CDH13: variants seen among roughly 807,000 people sequenced by gnomAD.
CDH13 encodes the protein cadherin-13.
In CDH13, 24 loss-of-function variants were observed where a neutral mutation model predicts 63.8. The ratio of observed to expected loss-of-function variants is 0.38; its 90% CI spans 0.27 to 0.53. The LOEUF is 0.53. Among genes scored for constraint, CDH13 ranks in the 20% least tolerant of loss-of-function variants. The probability of loss-of-function intolerance (pLI) is 0.85; values close to 1 mark genes in which losing one functional copy is unlikely to be tolerated. For missense variants in CDH13, 1,049 were observed against 903.1 expected, an observed-to-expected ratio of 1.16 and a Z score of -2.07; for synonymous variants, 503 against 355.3, an observed-to-expected ratio of 1.42 and a Z score of -4.67.
At chr16:83,602,353 G>A in intron 7 of CDH13, 101 bp from the exon 8 acceptor site, 1 of 1,123,796 alleles carries the variant, frequency 8.9e-7, no homozygotes, top group South Asian at 1.2e-5. Context: ...ACCCTAGATG[G>A]AGGAGGGGGA....
intron 1 of CDH13, among the ~76,000 whole-genome samples, chr16:82,726,426 A>G (rs1403215299): frequency 6.6e-6 from 1 of 152,234 alleles, no homozygotes; most frequent in African/African-American, 2.4e-5. Flanking sequence ...TTCATGGACC[A>G]CAAACTGTTA....
At chr16:82,639,236 C>T (rs961373186) in intron 1 of CDH13, 3 of 523,192 alleles carry the variant, frequency 5.7e-6, no homozygotes, top group Admixed American at 3.4e-5. Flanking sequence ...TTTTTGAGTT[C>T]CTAGTCTCTC....
chr16:83,186,079 CTTTTTATTTTA>C (rs1567488383), intron 4 of CDH13, among the ~76,000 whole-genome samples: 1 of 135,074 alleles, frequency 7.4e-6, no homozygotes, highest in Non-Finnish European at 1.6e-5. Context: ...TTAAAGGCAT[CTTTTTATTTTA>C]TTTTATTTTA....
chr16:83,620,389 C>CAAAAAAAA (rs60446363), intron 8 of CDH13, among the ~76,000 whole-genome samples: 2 of 97,364 alleles, frequency 2.1e-5, no homozygotes, highest in Non-Finnish European at 2.0e-5. Context: ...GACTCCGTCT[C>CAAAAAAAA]AAAAAAAAAA....
intron 4 of CDH13, among the ~76,000 whole-genome samples, chr16:83,154,294 C>T (rs1394625321): frequency 1.3e-5 from 2 of 152,134 alleles, no homozygotes; most frequent in African/African-American, 4.8e-5. Context: ...CAGTGGCTCA[C>T]ATCTGTAATC....
At chr16:83,280,339 T>C (rs536338597) in intron 5 of CDH13, among the ~76,000 whole-genome samples, 1 of 152,314 alleles carries the variant, frequency 6.6e-6, no homozygotes. Flanking sequence ...TCTTGAGAAA[T>C]GTCTTTCTTT....
chr16:83,113,409 T>A (rs2151625067), intron 3 of CDH13, among the ~76,000 whole-genome samples: 1 of 152,388 alleles, frequency 6.6e-6, no homozygotes, highest in Admixed American at 6.5e-5. Flanking sequence ...ACAATAACTC[T>A]ATATTTATTT....
intron 1 of CDH13, among the ~76,000 whole-genome samples, chr16:82,686,981 C>T (rs76359009): frequency 0.032 from 4,932 of 152,272 alleles, 157 homozygotes; most frequent in African/African-American, 0.074. Flanking sequence ...GCTCTTGCTT[C>T]GTTCAATAAA....
intron 1 of CDH13, among the ~76,000 whole-genome samples, chr16:82,845,767 C>CA (rs1188558464): frequency 1.3e-5 from 2 of 152,158 alleles, no homozygotes; most frequent in African/African-American, 2.4e-5. Flanking sequence ...AATTTAATTA[C>CA]AAAAAATTCA....
At chr16:83,780,688 T>C (rs971795795) in intron 12 of CDH13, among the ~76,000 whole-genome samples, 2 of 152,222 alleles carry the variant, frequency 1.3e-5, no homozygotes, top group African/African-American at 4.8e-5. Flanking sequence ...GATTCTTTGT[T>C]CTTCCTCTTT....
intron 6 of CDH13, among the ~76,000 whole-genome samples, chr16:83,431,995 A>C (rs1010068093): frequency 2.0e-5 from 3 of 152,154 alleles, no homozygotes; most frequent in Non-Finnish European, 4.4e-5. Flanking sequence ...CCTTCTGGCC[A>C]CTTTGTTGAG....
intron 4 of CDH13, among the ~76,000 whole-genome samples, chr16:83,140,153 G>A (rs937630463): frequency 3.9e-5 from 6 of 152,162 alleles, no homozygotes; most frequent in African/African-American, 7.2e-5. Context: ...TAGGTCTGGG[G>A]TGACACCTAA....
chr16:83,090,767 C>G (rs984314221), intron 3 of CDH13, among the ~76,000 whole-genome samples: 4 of 151,948 alleles, frequency 2.6e-5, no homozygotes, highest in African/African-American at 9.7e-5. Flanking sequence ...ATTTTCAAAG[C>G]AAACTTGGTT....
At chr16:83,630,095 G>C (rs1910646174) in intron 8 of CDH13, among the ~76,000 whole-genome samples, 1 of 152,266 alleles carries the variant, frequency 6.6e-6, no homozygotes, top group Non-Finnish European at 1.5e-5. Context: ...GCCTAGCTTT[G>C]AAAACCCACG....
At chr16:82,738,325 G>C (rs1041554958) in intron 1 of CDH13, among the ~76,000 whole-genome samples, 2 of 152,178 alleles carry the variant, frequency 1.3e-5, no homozygotes, top group Non-Finnish European at 2.9e-5. Flanking sequence ...TACCGTGCAC[G>C]GAGGACTTTA....
At chr16:83,527,115 A>G (rs2074979588) in intron 7 of CDH13, among the ~76,000 whole-genome samples, 1 of 149,456 alleles carries the variant, frequency 6.7e-6, no homozygotes, top group South Asian at 2.1e-4. Context: ...TGGGCAACAG[A>G]GCAAGACTCT....
rs1168572931 is a variant in CDH13, at chr16:82,987,336, A to G, written c.158-44674A>G. Among the ~76,000 whole-genome samples the G allele has an allele frequency of 2.0e-5, 3 of 152,000 alleles. No homozygotes were observed. In the East Asian group the frequency reaches 5.8e-4, roughly 29 times the overall value. The stretch of plus-strand genomic sequence containing the variant: ...ATGATATGCTGCCTCATTGGCATGA[A>G]TCAGCCAATTTTTGTTTTGTTTTGT... On this transcript the variant is annotated intron_variant, in intron 2 of 13. Coordinates refer to ENST00000567109, the MANE Select transcript of CDH13 (RefSeq NM_001257.5).
rs1457582482 is a variant in CDH13 at position 82,671,912 on chromosome 16, A to G, written c.45+44775A>G. On this transcript the variant is annotated intron_variant, in intron 1 of 13. Transcript: ENST00000567109. ...GAAGTGCCCCCTGCTGGCCAGCATC[A>G]TTTCTCTGTGTCTCACTACAGAAGG... Among the ~76,000 whole-genome samples, 9 of 152,222 alleles carry G rather than the reference A, an allele frequency of 5.9e-5. No homozygotes were observed. The East Asian group carries it at 1.7e-3, about 29-fold the overall frequency.
At chr16:82,907,770 T>G (rs1434384448) in intron 2 of CDH13, among the ~76,000 whole-genome samples, 1 of 152,194 alleles carries the variant, frequency 6.6e-6, no homozygotes, top group African/African-American at 2.4e-5. Context: ...GATTCCTGCA[T>G]AGCCAGCGCT....
Sources: gnomAD v4.1 joint callset for allele counts (sites outside exome capture counted in the v4.1 genomes callset) on GRCh38, gnomAD v4.1.1 for gene constraint, MANE v1.5 for transcripts, NCBI Gene and HGNC (gene_info 2026-07-23, HGNC 2026-07-21) for gene names.